ATP6V1H: variants seen among roughly 807,000 people sequenced by gnomAD.
ATP6V1H encodes ATPase H+ transporting V1 subunit H, also known as V-type proton ATPase subunit H.
A neutral mutation model predicts 71.7 loss-of-function variants in ATP6V1H; 39 were observed. That is an observed-to-expected ratio of 0.54 (90% CI 0.42 to 0.71). ATP6V1H has a LOEUF of 0.71. ATP6V1H is among the 30% of genes least tolerant of loss of function. ATP6V1H has a pLI of 0.00. For synonymous variants in ATP6V1H, 192 were observed against 199.3 expected, an observed-to-expected ratio of 0.96 and a Z score of 0.31; for missense variants, 509 against 594.9, an observed-to-expected ratio of 0.86 and a Z score of 1.50.
At chr8:53,808,062 C>T (rs1294756384) in intron 7 of ATP6V1H, among the ~76,000 whole-genome samples, 1 of 152,240 alleles carries the variant, frequency 6.6e-6, no homozygotes, top group African/African-American at 2.4e-5. Flanking sequence ...ACACAGCATT[C>T]ATCTAGCAAC....
intron 4 of ATP6V1H, among the ~76,000 whole-genome samples, chr8:53,827,597 GTGTA>G (rs1310227863): frequency 6.6e-6 from 1 of 151,958 alleles, no homozygotes; most frequent in Non-Finnish European, 1.5e-5. Context: ...TGTTTTTTGT[GTGTA>G]TGTGTTTTTT....
chr8:53,755,639 C>T (rs1396528997), intron 12 of ATP6V1H, among the ~76,000 whole-genome samples: 1 of 71,094 alleles, frequency 1.4e-5, no homozygotes, highest in Admixed American at 1.8e-4. Context: ...AAATCATTAA[C>T]ATGAAATATC....
rs148208752 is a variant in ATP6V1H at position 53,791,073 on chromosome 8, G to T, written c.870+4574C>A. On this transcript the variant is annotated intron_variant, in intron 9 of 13. Coordinates refer to ENST00000359530, the MANE Select transcript of ATP6V1H (RefSeq NM_015941.4). ...TGACAATGGTAGAATTAAAAAAAAG[G>T]AAAGACAAGGGAGAAACTCAAAACT... Among the ~76,000 whole-genome samples the T allele has an allele frequency of 8.3e-3, 1,258 of 152,056 alleles. 12 individuals carry two copies. Among genetic ancestry groups the T allele is most frequent in the Non-Finnish European group, 0.013 (879 of 67,962 alleles).
intron 4 of ATP6V1H, among the ~76,000 whole-genome samples, chr8:53,827,278 G>A (rs1810853871): frequency 1.3e-5 from 2 of 151,966 alleles, no homozygotes; most frequent in East Asian, 1.9e-4. Flanking sequence ...AGTTTCTCGG[G>A]AGGCTGAGGC....
intron 11 of ATP6V1H, among the ~76,000 whole-genome samples, chr8:53,765,565 A>C: frequency 6.6e-6 from 1 of 152,022 alleles, no homozygotes; most frequent in Non-Finnish European, 1.5e-5. Context: ...CTTAGGTATA[A>C]ATGTAACAAA....
At chr8:53,738,166 G>A (rs958315216) in intron 13 of ATP6V1H, among the ~76,000 whole-genome samples, 7 of 151,868 alleles carry the variant, frequency 4.6e-5, no homozygotes, top group Admixed American at 2.0e-4. Context: ...GTGTGGTGGC[G>A]GGCACTTGTA....
intron 13 of ATP6V1H, among the ~76,000 whole-genome samples, chr8:53,731,885 T>C (rs1310583796): frequency 1.3e-5 from 2 of 152,224 alleles, no homozygotes; most frequent in Non-Finnish European, 2.9e-5. Flanking sequence ...CGCTCCGGGG[T>C]AGGCATTTGT....
intron 4 of ATP6V1H, among the ~76,000 whole-genome samples, chr8:53,820,228 C>T (rs1183895588): frequency 1.3e-5 from 2 of 151,360 alleles, no homozygotes; most frequent in South Asian, 2.1e-4. Flanking sequence ...GACCAGAGCA[C>T]GAGCTACAGG....
chr8:53,755,979 G>A lies in ATP6V1H; in HGVS notation c.1277+576C>T, dbSNP rs565897980. Among the ~76,000 whole-genome samples, 389 of 142,262 alleles carry A rather than the reference G, an allele frequency of 2.7e-3. 4 individuals carry two copies. Among genetic ancestry groups the A allele is most frequent in the African/African-American group, 9.3e-3 (359 of 38,514 alleles). 93.3% of individuals were successfully genotyped at this position (142,262 alleles called of 152,430 possible). ...TCACCGTTTTAGCCGGGATGGTCTC[G>A]ATCTCCTGACCTTGTGATCCGCCCG... On this transcript the variant is annotated intron_variant, in intron 12 of 13. Transcript: ENST00000359530.
At chr8:53,781,531 G>C (rs1377797382) in intron 9 of ATP6V1H, among the ~76,000 whole-genome samples, 1 of 152,188 alleles carries the variant, frequency 6.6e-6, no homozygotes, top group Non-Finnish European at 1.5e-5. Flanking sequence ...CTGTGCAGAA[G>C]TTCTTTAGTT....
At chr8:53,721,260 T>G (rs1297502339) in intron 13 of ATP6V1H, among the ~76,000 whole-genome samples, 1 of 152,196 alleles carries the variant, frequency 6.6e-6, no homozygotes, top group Non-Finnish European at 1.5e-5. Flanking sequence ...AAGCAAACTT[T>G]GTTTTTATGA....
intron 11 of ATP6V1H, among the ~76,000 whole-genome samples, chr8:53,765,839 A>G (rs1487134069): frequency 6.6e-6 from 1 of 152,224 alleles, no homozygotes; most frequent in Non-Finnish European, 1.5e-5. Flanking sequence ...GGCCAGCACA[A>G]TATTAAAGAA....
chr8:53,741,243 A>T (rs1763841117), intron 13 of ATP6V1H, among the ~76,000 whole-genome samples: 1 of 152,212 alleles, frequency 6.6e-6, no homozygotes, highest in Non-Finnish European at 1.5e-5. Context: ...ATACATGATC[A>T]TCTGAACAAC....
intron 2 of ATP6V1H, 165 bp from the exon 3 acceptor site, chr8:53,833,251 AAAT>A: frequency 1.8e-6 from 1 of 570,722 alleles, no homozygotes; most frequent in South Asian, 2.2e-5. Context: ...GTTTCTCCAC[AAAT>A]AAGACAGTGT....
At chr8:53,739,587 G>A (rs989140527) in intron 13 of ATP6V1H, 6 of 152,206 alleles carry the variant, frequency 3.9e-5, no homozygotes, top group Non-Finnish European at 5.9e-5. Context: ...GTCCTGAGCT[G>A]TCCATATGCA....
intron 9 of ATP6V1H, among the ~76,000 whole-genome samples, chr8:53,777,144 CA>C (rs1485224499): frequency 6.6e-6 from 1 of 152,112 alleles, no homozygotes; most frequent in Non-Finnish European, 1.5e-5. Flanking sequence ...TAAAAAGGTG[CA>C]AATGTATACC....
At chr8:53,716,318 T>C (rs1011055012) in intron 13 of ATP6V1H, among the ~76,000 whole-genome samples, 11 of 152,204 alleles carry the variant, frequency 7.2e-5, no homozygotes, top group Non-Finnish European at 1.6e-4. Flanking sequence ...CAAGGAAATG[T>C]AATTACTTCC....
intron 13 of ATP6V1H, among the ~76,000 whole-genome samples, chr8:53,719,100 T>C (rs1336070170): frequency 6.6e-6 from 1 of 152,200 alleles, no homozygotes; most frequent in Non-Finnish European, 1.5e-5. Context: ...GAAAAGGGTA[T>C]TAAAAACACC....
At chr8:53,812,045 G>A (rs1482225736) in intron 6 of ATP6V1H, among the ~76,000 whole-genome samples, 1 of 152,210 alleles carries the variant, frequency 6.6e-6, no homozygotes, top group African/African-American at 2.4e-5. Flanking sequence ...ACTATCGCAT[G>A]ACAATTGAGC....
Sources: allele counts gnomAD v4.1 joint callset (sites outside exome capture counted in the v4.1 genomes callset), GRCh38; gene constraint gnomAD v4.1.1; transcripts MANE v1.5; gene names NCBI Gene and HGNC (gene_info 2026-07-23, HGNC 2026-07-21).